The following GABRA4 variants were observed in gnomAD, a reference collection of about 807,000 sequenced individuals.
GABRA4 encodes gamma-aminobutyric acid receptor subunit alpha-4.
Under a neutral mutation model 49.7 loss-of-function variants are expected in GABRA4, and 12 were observed. The ratio of observed to expected loss-of-function variants is 0.24; its 90% CI spans 0.15 to 0.39. The LOEUF (loss-of-function observed/expected upper bound fraction) is 0.39. Among genes scored for constraint, GABRA4 ranks in the 10% least tolerant of loss-of-function variants. The probability of loss-of-function intolerance (pLI) is 1.00; values close to 1 mark genes in which losing one functional copy is unlikely to be tolerated. For synonymous variants in GABRA4, 288 were observed against 240.2 expected, an observed-to-expected ratio of 1.20 and a Z score of -1.84; for missense variants, 506 against 686.0, an observed-to-expected ratio of 0.74 and a Z score of 2.93.
At chr4:46,979,801 T>A (rs1411137998) in intron 2 of GABRA4, among the ~76,000 whole-genome samples, 1 of 152,126 alleles carries the variant, frequency 6.6e-6, no homozygotes, top group Non-Finnish European at 1.5e-5. Context: ...ATGAAAGTAC[T>A]CATTCCATGT....
At chr4:46,970,339 G>C (rs1722907407) in intron 7 of GABRA4, among the ~76,000 whole-genome samples, 2 of 151,286 alleles carry the variant, frequency 1.3e-5, no homozygotes. Flanking sequence ...TTCTACTACT[G>C]AATGCTTTTG....
intron 2 of GABRA4, among the ~76,000 whole-genome samples, chr4:46,988,068 CTT>C (rs1211561223): frequency 6.6e-6 from 1 of 152,118 alleles, no homozygotes; most frequent in African/African-American, 2.4e-5. Flanking sequence ...ACCTTCAGAC[CTT>C]TGCACTTAAT....
At chr4:46,953,923 C>G (rs899826363) in intron 8 of GABRA4, among the ~76,000 whole-genome samples, 10 of 152,070 alleles carry the variant, frequency 6.6e-5, no homozygotes, top group African/African-American at 1.9e-4. Flanking sequence ...TGAACCTACA[C>G]TTTGGATCTA....
Position 46,964,990 on chromosome 4 carries a change from G to A in GABRA4, c.1114C>T (p.His372Tyr). 6.2e-7 allele frequency: 1 copy of A among 1,604,504 alleles called. No homozygotes were observed. Among genetic ancestry groups the A allele is most frequent in the Non-Finnish European group, 8.5e-7 (1 of 1,174,754 alleles). The change falls in exon 8 of 9, where the codon CAT becomes TAT. Residue 372 changes from histidine (H) to tyrosine (Y), a missense_variant. His to Tyr is a moderately conservative substitution (Grantham distance 83). This residue lies in a region of GABRA4 where 243 missense variants were observed against 210.8 expected (regional missense o/e 1.15). Coordinates refer to ENST00000264318, the MANE Select transcript of GABRA4 (RefSeq NM_000809.4). ...AATACCTGCAGAGGGGCTTCAGGAT[G>A]CTTCTCTCTCTGCACTGGAGCAGCG... Reference protein sequence around the residue: ...VPAAPVQREKHPEAPLQNTNA... With the variant: ...VPAAPVQREKYPEAPLQNTNA...
At chr4:46,930,528 G>A (rs1184138342) in intron 8 of GABRA4, among the ~76,000 whole-genome samples, 2 of 151,818 alleles carry the variant, frequency 1.3e-5, no homozygotes, top group Non-Finnish European at 2.9e-5. Flanking sequence ...AAAATATAAT[G>A]AAAGGTAAAA....
intron 8 of GABRA4, among the ~76,000 whole-genome samples, chr4:46,945,170 A>T (rs1721941280): frequency 6.6e-6 from 1 of 152,140 alleles, no homozygotes; most frequent in Non-Finnish European, 1.5e-5. Context: ...TTCCTGGGCC[A>T]TGATAGTAGT....
intron 8 of GABRA4, among the ~76,000 whole-genome samples, chr4:46,930,071 C>T (rs1369360222): frequency 6.6e-6 from 1 of 152,044 alleles, no homozygotes; most frequent in Non-Finnish European, 1.5e-5. Flanking sequence ...ATCATGACTT[C>T]AAGGTCGCTG....
chr4:46,951,705 A>G (rs1191180755), intron 8 of GABRA4, among the ~76,000 whole-genome samples: 1 of 151,862 alleles, frequency 6.6e-6, no homozygotes, highest in African/African-American at 2.4e-5. Context: ...ATTAATATGT[A>G]TAATAAAATA....
At chr4:46,935,388 G>A in intron 8 of GABRA4, among the ~76,000 whole-genome samples, 1 of 152,114 alleles carries the variant, frequency 6.6e-6, no homozygotes, top group South Asian at 2.1e-4. Flanking sequence ...TTAATGTCTA[G>A]CACATAGTAG....
chr4:46,953,346 T>TC (rs1276303867), intron 8 of GABRA4, among the ~76,000 whole-genome samples: 1 of 152,092 alleles, frequency 6.6e-6, no homozygotes, highest in Non-Finnish European at 1.5e-5. Context: ...ATTATTTATA[T>TC]CACTATACTC....
chr4:46,974,566 TAAGTA>T (rs1304861782), intron 5 of GABRA4, among the ~76,000 whole-genome samples, 191 bp from the exon 6 acceptor site: 1 of 151,942 alleles, frequency 6.6e-6, no homozygotes, highest in African/African-American at 2.4e-5. Context: ...AACTAGAGAC[TAAGTA>T]AATACCCCTG....
At chr4:46,962,096 A>G (rs1289443997) in intron 8 of GABRA4, among the ~76,000 whole-genome samples, 2 of 151,812 alleles carry the variant, frequency 1.3e-5, no homozygotes, top group Non-Finnish European at 1.5e-5. Context: ...CATTTACTAC[A>G]ACTATCTAAC....
rs1369756820 is a variant in GABRA4, at chr4:46,924,386, C to T, written c.*3839G>A. On this transcript the variant is annotated 3_prime_UTR_variant, in exon 9 of 9. Coordinates refer to ENST00000264318, the MANE Select transcript of GABRA4 (RefSeq NM_000809.4). ...GAGTATCACTCTAGTTTTGGCCCTGCTGTATTCTACTGAAGCATTAGTTAC... is the reference window on the plus strand; with the variant it reads ...GAGTATCACTCTAGTTTTGGCCCTGTTGTATTCTACTGAAGCATTAGTTAC... The T allele has an allele frequency of 6.6e-6, 1 of 152,048 alleles. No homozygotes were observed. The highest frequency in any genetic ancestry group is 1.5e-5 in the Non-Finnish European group (1 of 67,984). The allele number at this position is 152,048 out of a possible 1,614,324, so 9.4% of individuals were successfully genotyped here. A position where few individuals can be genotyped will look rare whatever the true frequency, so the allele number is the denominator to read the frequency against.
intron 7 of GABRA4, among the ~76,000 whole-genome samples, chr4:46,966,999 T>A (rs1353941781): frequency 6.6e-6 from 1 of 151,622 alleles, no homozygotes; most frequent in Non-Finnish European, 1.5e-5. Context: ...CTCAGAAAAG[T>A]GGCACCACTC....
intron 6 of GABRA4, 28 bp downstream of exon 6, chr4:46,974,204 T>C (rs368493797): frequency 1.3e-6 from 2 of 1,591,420 alleles, no homozygotes; most frequent in African/African-American, 1.3e-5. Flanking sequence ...CCAAGTAGCA[T>C]GTCGGCTTTA....
rs1553904345 is a variant in GABRA4, at chr4:46,959,834, ATG to A, written c.1134+5134_1134+5135del. 1.5e-3 allele frequency among the ~76,000 whole-genome samples: 211 copies of A among 140,206 alleles called. 1 individual carries two copies. The highest frequency in any genetic ancestry group is 3.5e-3 in the Middle Eastern group (1 of 282). 92.0% of individuals were successfully genotyped at this position (140,206 alleles called of 152,430 possible). ...AAAAATTATGTATATATATATATAT[ATG>A]TGTGTGTGTGTGTGTATGTGTGTGT... On this transcript the variant is annotated intron_variant, in intron 8 of 8. Transcript: ENST00000264318.
intron 8 of GABRA4, among the ~76,000 whole-genome samples, chr4:46,934,697 G>T (rs1721549046): frequency 6.6e-6 from 1 of 152,140 alleles, no homozygotes; most frequent in African/African-American, 2.4e-5. Flanking sequence ...TTAGAGTTGA[G>T]GGTTTAAAAC....
intron 8 of GABRA4, among the ~76,000 whole-genome samples, chr4:46,951,565 C>T (rs923007926): frequency 6.6e-6 from 1 of 151,882 alleles, no homozygotes; most frequent in African/African-American, 2.4e-5. Flanking sequence ...GTCCTTGCCA[C>T]TCTTTGCCAA....
intron 8 of GABRA4, among the ~76,000 whole-genome samples, chr4:46,936,898 AGTGTAGCC>A (rs1721620863): frequency 6.6e-6 from 1 of 152,238 alleles, no homozygotes; most frequent in Admixed American, 6.5e-5. Flanking sequence ...GAAATGGGGC[AGTGTAGCC>A]CACCAGACTA....
Sources: allele counts gnomAD v4.1 joint callset (sites outside exome capture counted in the v4.1 genomes callset), GRCh38; gene constraint gnomAD v4.1.1; regional missense constraint gnomAD v4.1.1; transcripts MANE v1.5; gene names NCBI Gene and HGNC (gene_info 2026-07-23, HGNC 2026-07-21).